The following KIAA0319L variants were observed in gnomAD, a reference collection of about 807,000 sequenced individuals.
The protein encoded by KIAA0319L is KIAA0319 like.
Under a neutral mutation model 120.1 loss-of-function variants are expected in KIAA0319L, and 55 were observed. That is an observed-to-expected ratio of 0.46 (90% CI 0.37 to 0.57). KIAA0319L has a LOEUF of 0.57. Among genes scored for constraint, KIAA0319L ranks in the 20% least tolerant of loss-of-function variants. KIAA0319L has a pLI of 0.00. For missense variants in KIAA0319L, 1,049 were observed against 1,255.3 expected (o/e 0.84, Z 2.48); for synonymous variants, 398 against 471.9 (o/e 0.84, Z 2.03).
At chr1:35,496,807 C>T (rs576608035) in intron 3 of KIAA0319L, among the ~76,000 whole-genome samples, 69 of 151,936 alleles carry the variant, frequency 4.5e-4, no homozygotes, top group African/African-American at 1.6e-3. Context: ...ATTAGCTGGG[C>T]GTGGTGGCAC....
At chr1:35,472,586 C>T (rs559119319) in intron 5 of KIAA0319L, among the ~76,000 whole-genome samples, 5 of 152,038 alleles carry the variant, frequency 3.3e-5, no homozygotes, top group South Asian at 2.1e-4. Context: ...TGAGCCACCA[C>T]GCCCAGCCGG....
chr1:35,455,892 T>C, intron 10 of KIAA0319L, 121 bp downstream of exon 10: 2 of 772,662 alleles, frequency 2.6e-6, no homozygotes, highest in South Asian at 3.6e-5. Flanking sequence ...ATAAAGATTT[T>C]TGCTACCACG....
chr1:35,435,116 C>G, intron 20 of KIAA0319L, 35 bp from the exon 21 acceptor site: 1 of 1,598,250 alleles, frequency 6.3e-7, no homozygotes, highest in Non-Finnish European at 8.6e-7. Flanking sequence ...CATCAGGAGA[C>G]TGGCCTCAAG....
intron 2 of KIAA0319L, among the ~76,000 whole-genome samples, chr1:35,509,591 C>A (rs1645346037): frequency 6.6e-6 from 1 of 152,184 alleles, no homozygotes; most frequent in African/African-American, 2.4e-5. Context: ...AGGAATTCCA[C>A]CTCCAGTCTC....
In KIAA0319L at chr1:35,509,052, A is replaced by C. The variant is rs373142733; in HGVS notation, c.143-1917T>G. 9.8e-5 allele frequency among the ~76,000 whole-genome samples: 15 copies of C among 152,302 alleles called. No individual in the cohort carries two copies. In the East Asian group the frequency reaches 1.5e-3, roughly 16 times the overall value. Reference sequence around the variant, plus strand: ...TGCAGGACTATGATCCCTGAAAGGAAACAAACCAGGTGAGCTCTATGAATC... The same window carrying C: ...TGCAGGACTATGATCCCTGAAAGGACACAAACCAGGTGAGCTCTATGAATC... On this transcript the variant is annotated intron_variant, in intron 2 of 20. Transcript: ENST00000325722.
At chr1:35,533,362 A>T (rs926086704) in intron 2 of KIAA0319L, 7 of 152,190 alleles carry the variant, frequency 4.6e-5, no homozygotes, top group Admixed American at 1.3e-4. Context: ...AAATAAGAGT[A>T]GAGAGAATGA....
At chr1:35,449,184 T>G (rs1467275004) in intron 15 of KIAA0319L, among the ~76,000 whole-genome samples, 1 of 152,086 alleles carries the variant, frequency 6.6e-6, no homozygotes, top group Non-Finnish European at 1.5e-5. Flanking sequence ...GTCCAAAACA[T>G]CCATATATGA....
chr1:35,481,787 C>T (rs1436632526), intron 3 of KIAA0319L, among the ~76,000 whole-genome samples: 2 of 151,478 alleles, frequency 1.3e-5, no homozygotes, highest in Admixed American at 6.6e-5. Flanking sequence ...CTTCTCCTCC[C>T]CACCCTAAGC....
At chr1:35,460,250 C>T in intron 9 of KIAA0319L, 55 bp downstream of exon 9, 3 of 1,477,458 alleles carry the variant, frequency 2.0e-6, no homozygotes, top group Non-Finnish European at 2.8e-6. Flanking sequence ...AATGTAAAAC[C>T]CACGAGAGGC....
intron 2 of KIAA0319L, among the ~76,000 whole-genome samples, chr1:35,540,312 A>AG (rs2148490600): frequency 6.6e-6 from 1 of 152,202 alleles, no homozygotes; most frequent in Admixed American, 6.5e-5. Context: ...GTGATTGGCC[A>AG]GGGAAGTTCA....
intron 20 of KIAA0319L, 128 bp downstream of exon 20, chr1:35,440,919 G>T: frequency 1.2e-6 from 1 of 813,190 alleles, no homozygotes; most frequent in Non-Finnish European, 2.1e-6. Context: ...TCTTCATCAG[G>T]CAAAAGGGAA....
At chr1:35,459,834 A>C (rs759324701) in intron 9 of KIAA0319L, among the ~76,000 whole-genome samples, 1 of 152,282 alleles carries the variant, frequency 6.6e-6, no homozygotes, top group Non-Finnish European at 1.5e-5. Context: ...TAGCTCCCCA[A>C]ATGTACTTTC....
At chr1:35,503,218 C>T (rs1274009835) in intron 3 of KIAA0319L, among the ~76,000 whole-genome samples, 1 of 152,166 alleles carries the variant, frequency 6.6e-6, no homozygotes, top group African/African-American at 2.4e-5. Flanking sequence ...ATGAGAACTA[C>T]AACAATTTCC....
intron 3 of KIAA0319L, among the ~76,000 whole-genome samples, chr1:35,491,711 T>C (rs1644601558): frequency 6.6e-6 from 1 of 151,934 alleles, no homozygotes. Flanking sequence ...ACATGGTTCT[T>C]TGAGAAACAT....
intron 2 of KIAA0319L, among the ~76,000 whole-genome samples, chr1:35,536,041 G>C (rs12032719): frequency 0.027 from 4,059 of 152,266 alleles, 217 homozygotes; most frequent in East Asian, 0.24. Context: ...TTGAGTTATA[G>C]TCATTTGAAT....
chr1:35,517,991 A>G (rs987975703), intron 2 of KIAA0319L, among the ~76,000 whole-genome samples: 10 of 152,236 alleles, frequency 6.6e-5, no homozygotes, highest in African/African-American at 2.4e-4. Context: ...TGATCATTAG[A>G]GAAATGCAAA....
chr1:35,546,388 C>T (rs569288826), intron 2 of KIAA0319L, among the ~76,000 whole-genome samples: 7 of 152,230 alleles, frequency 4.6e-5, no homozygotes, highest in Admixed American at 2.0e-4. Flanking sequence ...GAAATAAAGG[C>T]GTCCAACTAG....
In KIAA0319L at chr1:35,521,023, T is replaced by C. The variant is rs116545225; in HGVS notation, c.143-13888A>G. 6.0e-3 allele frequency among the ~76,000 whole-genome samples: 913 copies of C among 152,326 alleles called. 10 individuals are homozygous for C. Among genetic ancestry groups the C allele is most frequent in the African/African-American group, 0.021 (870 of 41,570 alleles). ...AAAATAATTGGAAACAACTTAAACA[T>C]TCATCAGTTGATAACTGGTTAAATA... is the stretch of plus-strand genomic sequence containing the variant. On this transcript the variant is annotated intron_variant, in intron 2 of 20. Coordinates refer to ENST00000325722, the MANE Select transcript of KIAA0319L (RefSeq NM_024874.5).
intron 4 of KIAA0319L, among the ~76,000 whole-genome samples, chr1:35,477,584 A>C (rs186902145): frequency 6.7e-6 from 1 of 149,960 alleles, no homozygotes; most frequent in African/African-American, 2.5e-5. Flanking sequence ...GGAGAATGGC[A>C]TGAACCCAGG....
Sources: gnomAD v4.1 joint callset for allele counts (sites outside exome capture counted in the v4.1 genomes callset) on GRCh38, gnomAD v4.1.1 for gene constraint, MANE v1.5 for transcripts, NCBI Gene and HGNC (gene_info 2026-07-23, HGNC 2026-07-21) for gene names.